Variants in CAMTA1 observed in about 807,000 individuals in gnomAD.
The protein encoded by CAMTA1 is calmodulin-binding transcription activator 1.
In CAMTA1, 27 loss-of-function variants were observed where a neutral mutation model predicts 170.9. The observed-to-expected ratio is 0.16, with a 90% CI of 0.12 to 0.22. CAMTA1 has a LOEUF of 0.22. Ranked by LOEUF, CAMTA1 falls within the 10% of genes least tolerant of loss-of-function variation. CAMTA1 has a pLI of 1.00. For synonymous variants in CAMTA1, 833 were observed against 891.5 expected (o/e 0.93, Z 1.17); for missense variants, 1,619 against 2,217.2 (o/e 0.73, Z 5.42).
In CAMTA1 at chr1:7,075,788, G is replaced by C. The variant is rs373835194; in HGVS notation, c.235-15516G>C. On this transcript the variant is annotated intron_variant, in intron 3 of 22. Transcript: ENST00000303635. ...AGTGATTCTTGTGCCTCAGCCTTCC[G>C]AGTAGTTGGGATTACAGGTGTGTGC... Among the ~76,000 whole-genome samples the C allele has an allele frequency of 1.0e-3, 152 of 151,770 alleles. 1 individual carries two copies. Among genetic ancestry groups the C allele is most frequent in the African/African-American group, 3.4e-3 (142 of 41,370 alleles).
At chr1:7,618,620 A>G (rs974566249) in intron 6 of CAMTA1, among the ~76,000 whole-genome samples, 22 of 152,194 alleles carry the variant, frequency 1.4e-4, no homozygotes, top group African/African-American at 3.9e-4. Flanking sequence ...TTTTATGACT[A>G]TAGTAAAAGG....
chr1:7,648,229 T>C (rs2095822943), intron 7 of CAMTA1, among the ~76,000 whole-genome samples: 2 of 151,996 alleles, frequency 1.3e-5, no homozygotes, highest in African/African-American at 4.8e-5. Flanking sequence ...CTGTTTCTAC[T>C]AAAAATACAA....
At chr1:7,088,078 C>T (rs904147926) in intron 3 of CAMTA1, among the ~76,000 whole-genome samples, 4 of 152,156 alleles carry the variant, frequency 2.6e-5, no homozygotes, top group Non-Finnish European at 5.9e-5. Flanking sequence ...ATGCTCCACC[C>T]AGCCAGGTTC....
intron 10 of CAMTA1, 88 bp from the exon 11 acceptor site, chr1:7,677,511 G>A (rs1282010414): frequency 2.1e-6 from 3 of 1,422,026 alleles, no homozygotes; most frequent in East Asian, 2.3e-5. Flanking sequence ...GAAGGGTAGT[G>A]GGGAGGGGAC....
chr1:7,590,760 G>A lies in CAMTA1; in HGVS notation c.511-49640G>A, dbSNP rs534262219. On this transcript the variant is annotated intron_variant, in intron 6 of 22. Coordinates refer to ENST00000303635, the MANE Select transcript of CAMTA1 (RefSeq NM_015215.4). ...CCTTTGCCCACCCTCAGAGAGACTG[G>A]GCAGTGGGTGTCAGACTCTGGCAGC... Among the ~76,000 whole-genome samples, 354 of 152,332 alleles carry A rather than the reference G, an allele frequency of 2.3e-3. 3 individuals carry two copies. Among genetic ancestry groups the A allele is most frequent in the Non-Finnish European group, 3.6e-3 (245 of 68,038 alleles).
chr1:7,057,375 A>T (rs7552926), intron 3 of CAMTA1, among the ~76,000 whole-genome samples: 91,305 of 151,996 alleles, frequency 0.6, 27,953 homozygotes, highest in Non-Finnish European at 0.67. Context: ...AAAATCAACT[A>T]TACAGGTATT....
rs1381574314 is a variant in CAMTA1, at chr1:7,542,048, CT to C, written c.510+74149del. 3.3e-5 allele frequency among the ~76,000 whole-genome samples: 5 copies of C among 152,064 alleles called. No homozygotes were observed. In the South Asian group the frequency reaches 8.3e-4, roughly 25 times the overall value. ...TATTTTTTTTTAACTTCACTTTTTT[CT>C]TAATTAAAAATTTTTAATTACAAAG... On this transcript the variant is annotated intron_variant, in intron 6 of 22. Coordinates refer to ENST00000303635, the MANE Select transcript of CAMTA1 (RefSeq NM_015215.4).
chr1:7,492,067 A>T lies in CAMTA1; in HGVS notation c.510+24166A>T, dbSNP rs115538079. Among the ~76,000 whole-genome samples the T allele has an allele frequency of 8.4e-3, 1,283 of 152,128 alleles. 19 individuals carry two copies. The highest frequency in any genetic ancestry group is 0.03 in the African/African-American group (1,233 of 41,504). On this transcript the variant is annotated intron_variant, in intron 6 of 22. Transcript: ENST00000303635. ...CTGGCTCTAGGGTGGAGTCGAGGAA[A>T]CCTGTCTAGGATGGGACACGCTCCC... is the stretch of plus-strand genomic sequence containing the variant.
Position 7,640,485 on chromosome 1 carries a change from T to G in CAMTA1, c.596T>G (p.Ile199Ser), listed in dbSNP as rs751464630. The G allele has an allele frequency of 6.2e-7, 1 of 1,614,158 alleles. No individual in the cohort carries two copies. Among genetic ancestry groups the G allele is most frequent in the Non-Finnish European group, 8.5e-7 (1 of 1,180,020 alleles). ...GKPCGPILCS[I>S]NTDKKEWAKW... ...CCTTGCGGCCCCATCCTCTGCTCCA[T>G]CAACACCGACAAGAAGGAGTGGGCG... The change falls in exon 7 of 23, where the codon ATC becomes AGC. Residue 199 changes from isoleucine (I) to serine (S), a missense_variant. By Grantham distance (142) the Ile-to-Ser change is moderately radical. This residue lies in a region of CAMTA1 where 97 missense variants were observed against 225.4 expected (regional missense o/e 0.43). Transcript: ENST00000303635.
In CAMTA1 at chr1:7,443,214, C is replaced by T. The variant is rs186213877; in HGVS notation, c.439-24616C>T. Among the ~76,000 whole-genome samples, 2 of 152,334 alleles carry T rather than the reference C, an allele frequency of 1.3e-5. No homozygotes were observed. The highest frequency in any genetic ancestry group is 2.9e-5 in the Non-Finnish European group (2 of 68,034). ...TCACACATAAGCTTCATACCCTAGACGTGTATGATGATCTGCATGAAGTCC... is the reference window on the plus strand; with the variant it reads ...TCACACATAAGCTTCATACCCTAGATGTGTATGATGATCTGCATGAAGTCC... On this transcript the variant is annotated intron_variant, in intron 5 of 22. Coordinates refer to ENST00000303635, the MANE Select transcript of CAMTA1 (RefSeq NM_015215.4). The surrounding 1 kb of genome is among the most constrained non-coding windows in gnomAD (Gnocchi z 4.1).
chr1:7,363,262 A>G (rs1182864601), intron 5 of CAMTA1, among the ~76,000 whole-genome samples: 2 of 152,210 alleles, frequency 1.3e-5, no homozygotes, highest in African/African-American at 4.8e-5. Context: ...TTTAATGTTC[A>G]GCTGCAGTGA....
intron 6 of CAMTA1, among the ~76,000 whole-genome samples, chr1:7,514,667 A>C (rs1254968854): frequency 6.6e-6 from 1 of 152,176 alleles, no homozygotes; most frequent in Non-Finnish European, 1.5e-5. Flanking sequence ...AGGGGCAGAG[A>C]CCTGTGGCAG....
chr1:7,413,337 T>G (rs1049375451), intron 5 of CAMTA1, among the ~76,000 whole-genome samples: 7 of 152,172 alleles, frequency 4.6e-5, no homozygotes, highest in Admixed American at 3.9e-4. Flanking sequence ...ATCTATAAAT[T>G]ACCTTGGGCA....
intron 3 of CAMTA1, among the ~76,000 whole-genome samples, chr1:6,830,691 C>G (rs756823552): frequency 6.6e-6 from 1 of 152,112 alleles, no homozygotes; most frequent in Non-Finnish European, 1.5e-5. Flanking sequence ...ATAAACTGCA[C>G]CCATTTGAAG....
chr1:7,583,115 G>T (rs2095275680), intron 6 of CAMTA1, among the ~76,000 whole-genome samples: 2 of 152,096 alleles, frequency 1.3e-5, no homozygotes, highest in African/African-American at 4.8e-5. Context: ...GCAGCGCCCT[G>T]TCTTTATCAG....
rs2096076950 is a variant in CAMTA1 at position 7,673,306 on chromosome 1, C to CT, written c.2779+2270dup. Among the ~76,000 whole-genome samples the CT allele has an allele frequency of 6.6e-6, 1 of 152,274 alleles. No individual in the cohort carries two copies. The highest frequency in any genetic ancestry group is 6.5e-5 in the Admixed American group (1 of 15,292). On this transcript the variant is annotated intron_variant, in intron 10 of 22. Coordinates refer to ENST00000303635, the MANE Select transcript of CAMTA1 (RefSeq NM_015215.4). The surrounding 1 kb of genome is among the most constrained non-coding windows in gnomAD (Gnocchi z 4.6). ...CATCCCTGTTGCTGGAGCTCAGTGCCTGACCTCTCTGGGCCTCAGTTTCTA... is the reference window on the plus strand; with the variant it reads ...CATCCCTGTTGCTGGAGCTCAGTGCCTTGACCTCTCTGGGCCTCAGTTTCTA...
intron 3 of CAMTA1, among the ~76,000 whole-genome samples, chr1:6,975,189 C>A (rs923486802): frequency 6.6e-6 from 1 of 152,210 alleles, no homozygotes; most frequent in South Asian, 2.1e-4. Flanking sequence ...TGTCTCCCCC[C>A]ACCACCATCA....
chr1:7,506,177 G>A (rs191412835), intron 6 of CAMTA1, among the ~76,000 whole-genome samples: 1 of 152,264 alleles, frequency 6.6e-6, no homozygotes, highest in African/African-American at 2.4e-5. Context: ...GAGGACTTGG[G>A]AGCAGGAACT....
Position 7,063,873 on chromosome 1 carries a change from T to C in CAMTA1, c.235-27431T>C, listed in dbSNP as rs1488144147. Among the ~76,000 whole-genome samples the C allele has an allele frequency of 6.6e-6, 1 of 152,218 alleles. No homozygotes were observed. The highest frequency in any genetic ancestry group is 1.9e-4 in the East Asian group (1 of 5,188). ...TGGGGGAGAGAGAAAAATAAATTCA[T>C]GTACTAGTCTGCTCAGGCTGCTGTA... On this transcript the variant is annotated intron_variant, in intron 3 of 22. Coordinates refer to ENST00000303635, the MANE Select transcript of CAMTA1 (RefSeq NM_015215.4). The surrounding 1 kb of genome is among the most constrained non-coding windows in gnomAD (Gnocchi z 4.3).
Sources: allele counts gnomAD v4.1 joint callset (sites outside exome capture counted in the v4.1 genomes callset), GRCh38; gene constraint gnomAD v4.1.1; regional missense constraint gnomAD v4.1.1; non-coding constraint Gnocchi (gnomAD v3.1); transcripts MANE v1.5; gene names NCBI Gene and HGNC (gene_info 2026-07-23, HGNC 2026-07-21).